The following SPMIP11 variants were observed in gnomAD, a reference collection of about 807,000 sequenced individuals.
SPMIP11 encodes the protein long intergenic non-protein coding RNA 935.
At chr12:48,743,669 C>T in the SPMIP11 span, among the ~76,000 whole-genome samples, 3,132 of 151,408 alleles carry the variant, frequency 0.021, 87 homozygotes, top group African/African-American at 0.063. Context: ...TAGCCAGCTG[C>T]TGTGGCTCAC....
At chr12:48,752,660 CTATT>C in the SPMIP11 span, among the ~76,000 whole-genome samples, 36 of 148,256 alleles carry the variant, frequency 2.4e-4, no homozygotes, top group African/African-American at 7.8e-4. Context: ...CCTTGCTCTC[CTATT>C]TATTCTTTTT....
the SPMIP11 span, chr12:48,764,807 A>T: frequency 1.4e-6 from 1 of 697,518 alleles, no homozygotes; most frequent in Non-Finnish European, 2.6e-6. Flanking sequence ...TGAGCAGAGA[A>T]CTTGAAGGAA....
the SPMIP11 span, among the ~76,000 whole-genome samples, chr12:48,761,719 C>CTTTTT: frequency 2.4e-4 from 23 of 95,236 alleles, no homozygotes; most frequent in Middle Eastern, 6.3e-3. Flanking sequence ...ATATAACATT[C>CTTTTT]TTTTTTTTTT....
the SPMIP11 span, among the ~76,000 whole-genome samples, chr12:48,755,619 T>C: frequency 1.3e-5 from 2 of 152,106 alleles, no homozygotes; most frequent in Admixed American, 1.3e-4. Context: ...CTTGATTCCA[T>C]AGGAAGGCAT....
the SPMIP11 span, chr12:48,768,737 C>G: frequency 6.2e-7 from 1 of 1,611,850 alleles, no homozygotes; most frequent in African/African-American, 1.3e-5. Context: ...GGGAGGGGAG[C>G]CCGCTTAGCC....
At chr12:48,763,956 GC>G in the SPMIP11 span, among the ~76,000 whole-genome samples, 1 of 150,944 alleles carries the variant, frequency 6.6e-6, no homozygotes, top group Non-Finnish European at 1.5e-5. Context: ...GGGATTACAG[GC>G]ATGAGCCACC....
chr12:48,769,060 C>T, the SPMIP11 span: 1 of 1,610,246 alleles, frequency 6.2e-7, no homozygotes, highest in South Asian at 1.1e-5. Flanking sequence ...CCATGTTCAG[C>T]CCTGAGGTGG....
the SPMIP11 span, among the ~76,000 whole-genome samples, chr12:48,729,262 G>A: frequency 1.3e-5 from 2 of 151,748 alleles, no homozygotes; most frequent in African/African-American, 4.8e-5. Flanking sequence ...AGAGCCGGGC[G>A]CGGTGGCTCA....
chr12:48,752,484 T>C, the SPMIP11 span, among the ~76,000 whole-genome samples: 1 of 152,088 alleles, frequency 6.6e-6, no homozygotes, highest in Non-Finnish European at 1.5e-5. Flanking sequence ...ACCATTCCTC[T>C]TTCTAATACT....
chr12:48,753,692 C>CTTTTTTTTTTTTTTT, the SPMIP11 span, among the ~76,000 whole-genome samples: 35 of 118,824 alleles, frequency 2.9e-4, no homozygotes, highest in Non-Finnish European at 3.8e-4. Flanking sequence ...TTTTTTTTTT[C>CTTTTTTTTTTTTTTT]TTTTTTTTTT....
the SPMIP11 span, among the ~76,000 whole-genome samples, chr12:48,728,169 A>T: frequency 2.6e-5 from 4 of 152,184 alleles, no homozygotes; most frequent in African/African-American, 7.2e-5. Context: ...TATGTTGGTG[A>T]CTAGGGTTAA....
chr12:48,756,644 CTG>C, the SPMIP11 span, among the ~76,000 whole-genome samples: 1 of 152,170 alleles, frequency 6.6e-6, no homozygotes, highest in Non-Finnish European at 1.5e-5. Flanking sequence ...GAATGGTAAA[CTG>C]ATCCAGTTCC....
the SPMIP11 span, among the ~76,000 whole-genome samples, chr12:48,737,581 A>C: frequency 2.0e-5 from 3 of 151,216 alleles, no homozygotes; most frequent in African/African-American, 7.3e-5. Context: ...TGTCTGGCTG[A>C]TATTTGTATT....
At chr12:48,747,908 TG>T in the SPMIP11 span, among the ~76,000 whole-genome samples, 1 of 152,150 alleles carries the variant, frequency 6.6e-6, no homozygotes, top group Non-Finnish European at 1.5e-5. Flanking sequence ...CAAAGGTGAC[TG>T]TATTTGGCTT....
At chr12:48,765,518 C>T in the SPMIP11 span, 5 of 691,012 alleles carry the variant, frequency 7.2e-6, no homozygotes, top group Non-Finnish European at 1.1e-5. Context: ...CGTGAGCCAC[C>T]GCGCCCAGCC....
At chr12:48,759,342 T>G in the SPMIP11 span, 11 of 702,480 alleles carry the variant, frequency 1.6e-5, no homozygotes, top group Non-Finnish European at 2.9e-5. Flanking sequence ...GTAAGTACCT[T>G]GGGGTGGGCA....
At chr12:48,759,912 T>A in the SPMIP11 span, among the ~76,000 whole-genome samples, 1 of 152,094 alleles carries the variant, frequency 6.6e-6, no homozygotes, top group South Asian at 2.1e-4. Context: ...GTTCAAGTGA[T>A]TCTCTTGCCT....
chr12:48,757,760 G>A, the SPMIP11 span, among the ~76,000 whole-genome samples: 5 of 151,766 alleles, frequency 3.3e-5, no homozygotes, highest in Admixed American at 6.6e-5. Context: ...TTGGGAGGCC[G>A]AGGCAGGAGG....
At chr12:48,757,222 C>G in the SPMIP11 span, among the ~76,000 whole-genome samples, 2 of 152,100 alleles carry the variant, frequency 1.3e-5, no homozygotes, top group African/African-American at 4.8e-5. Context: ...CCTTTTCTCA[C>G]TCCCTCACCA....
Sources: allele counts gnomAD v4.1 joint callset (sites outside exome capture counted in the v4.1 genomes callset), GRCh38; gene constraint gnomAD v4.1.1; transcripts MANE v1.5; gene names NCBI Gene and HGNC (gene_info 2026-07-23, HGNC 2026-07-21).